WDR17: variants seen among roughly 807,000 people sequenced by gnomAD.
WDR17 encodes WD repeat-containing protein 17.
Under a neutral mutation model 161.7 loss-of-function variants are expected in WDR17, and 143 were observed. The ratio of observed to expected loss-of-function variants is 0.88; its 90% CI spans 0.77 to 1.02. The LOEUF (loss-of-function observed/expected upper bound fraction) is 1.02, where lower values mean the gene tolerates loss of function less well. Ranked by LOEUF, WDR17 falls within the 50% of genes least tolerant of loss-of-function variation. The probability of loss-of-function intolerance (pLI) is 0.00; values close to 1 mark genes in which losing one functional copy is unlikely to be tolerated. For synonymous variants in WDR17, 517 were observed against 515.6 expected, an observed-to-expected ratio of 1.00 and a Z score of -0.04; for missense variants, 1,469 against 1,520.9, an observed-to-expected ratio of 0.97 and a Z score of 0.57.
chr4:176,106,323 C>A (rs557837098), intron 1 of WDR17, among the ~76,000 whole-genome samples: 74 of 151,714 alleles, frequency 4.9e-4, no homozygotes, highest in Non-Finnish European at 9.1e-4. Flanking sequence ...CAGAACTAAC[C>A]CCTTACATAT....
intron 11 of WDR17, 121 bp from the exon 12 acceptor site, chr4:176,145,874 A>C: frequency 1.2e-6 from 1 of 804,988 alleles, no homozygotes; most frequent in Non-Finnish European, 1.8e-6. Context: ...GTAAGTTTTT[A>C]GTCTAACTTC....
At chr4:176,077,492 G>A (rs534696637) in intron 1 of WDR17, among the ~76,000 whole-genome samples, 3 of 151,994 alleles carry the variant, frequency 2.0e-5, no homozygotes, top group Non-Finnish European at 4.4e-5. Context: ...CTATGACACC[G>A]ATTATAGTAC....
intron 20 of WDR17, among the ~76,000 whole-genome samples, 175 bp from the exon 21 acceptor site, chr4:176,161,900 C>T (rs369601254): frequency 6.6e-6 from 1 of 152,040 alleles, no homozygotes; most frequent in Non-Finnish European, 1.5e-5. Context: ...CTTATCAGAC[C>T]GTATACTTGT....
Position 176,135,044 on chromosome 4 carries a change from G to A in WDR17, c.1099-64G>A, listed in dbSNP as rs1452016899. 6 of 1,491,952 alleles carry A rather than the reference G, an allele frequency of 4.0e-6. No homozygotes were observed. The African/African-American group carries it at 8.4e-5, about 21-fold the overall frequency. The allele number at this position is 1,491,952 out of a possible 1,614,324, so 92.4% of individuals were successfully genotyped here. A position where few individuals can be genotyped will look rare whatever the true frequency, so the allele number is the denominator to read the frequency against. ...ATGTGTCAATTTGAGTAAACATTGT[G>A]GTTCATCTATTAATAATGTGAATTT... is the stretch of plus-strand genomic sequence containing the variant. On this transcript the variant is annotated intron_variant, in intron 7 of 28. Coordinates refer to ENST00000508596, the MANE Select transcript of WDR17 (RefSeq NM_181265.4).
intron 17 of WDR17, 67 bp downstream of exon 17, chr4:176,152,034 A>T: frequency 6.8e-7 from 1 of 1,475,852 alleles, no homozygotes; most frequent in East Asian, 2.5e-5. Context: ...AATATACTCA[A>T]TTTTAAGTAT....
At chr4:176,142,664 T>C (rs1745466391) in intron 11 of WDR17, among the ~76,000 whole-genome samples, 1 of 152,198 alleles carries the variant, frequency 6.6e-6, no homozygotes, top group African/African-American at 2.4e-5. Flanking sequence ...CAAGCCTCTT[T>C]TAATGGGATA....
intron 4 of WDR17, among the ~76,000 whole-genome samples, 191 bp downstream of exon 4, chr4:176,120,288 T>TTATATA (rs33940735): frequency 0.012 from 1,570 of 136,382 alleles, 21 homozygotes; most frequent in Middle Eastern, 0.028. Flanking sequence ...ATTTGAAGTT[T>TTATATA]TATATATATA....
intron 22 of WDR17, among the ~76,000 whole-genome samples, chr4:176,164,298 A>G (rs988859346): frequency 6.6e-6 from 1 of 152,194 alleles, no homozygotes; most frequent in African/African-American, 2.4e-5. Context: ...CTGTCAGACT[A>G]CTTGGGGTGA....
intron 17 of WDR17, among the ~76,000 whole-genome samples, chr4:176,155,415 T>C (rs779183305): frequency 4.0e-5 from 6 of 151,738 alleles, no homozygotes; most frequent in Non-Finnish European, 8.8e-5. Flanking sequence ...TCAAACTCCA[T>C]CAAGTTCAAG....
At chr4:176,163,883 A>G (rs1332630515) in intron 22 of WDR17, among the ~76,000 whole-genome samples, 1 of 152,186 alleles carries the variant, frequency 6.6e-6, no homozygotes, top group African/African-American at 2.4e-5. Flanking sequence ...CTATTAGGAA[A>G]TATGGGATTC....
At chr4:176,090,255 T>TAAAAA (rs1561082183) in intron 1 of WDR17, among the ~76,000 whole-genome samples, 24 of 147,706 alleles carry the variant, frequency 1.6e-4, no homozygotes, top group Admixed American at 1.0e-3. Context: ...GCTGGTTGTT[T>TAAAAA]TAAAAAAAAA....
chr4:176,157,543 G>T (rs1270142199), intron 18 of WDR17, among the ~76,000 whole-genome samples: 2 of 152,096 alleles, frequency 1.3e-5, no homozygotes, highest in Admixed American at 1.3e-4. Context: ...TACCCTCACA[G>T]CACAATTGTG....
chr4:176,165,782 G>A (rs4269125), intron 22 of WDR17, among the ~76,000 whole-genome samples: 75,297 of 152,018 alleles, frequency 0.5, 19,210 homozygotes, highest in Admixed American at 0.61. Flanking sequence ...ACATTTTTCA[G>A]TTAACTATAT....
intron 3 of WDR17, among the ~76,000 whole-genome samples, chr4:176,116,884 G>T (rs542194950): frequency 6.6e-6 from 1 of 151,734 alleles, no homozygotes; most frequent in Non-Finnish European, 1.5e-5. Context: ...TCAAATTTAG[G>T]TCATTAAGAA....
chr4:176,066,191 C>G (rs532129034), intron 1 of WDR17, 112 bp downstream of exon 1: 1 of 152,364 alleles, frequency 6.6e-6, no homozygotes, highest in Non-Finnish European at 1.5e-5. Flanking sequence ...CCTGTGATCG[C>G]GGACCAGGGT....
intron 1 of WDR17, among the ~76,000 whole-genome samples, chr4:176,090,528 T>C (rs1028291283): frequency 6.6e-6 from 1 of 152,172 alleles, no homozygotes; most frequent in Non-Finnish European, 1.5e-5. Context: ...AGTCATTAAA[T>C]GAATTTACTT....
intron 9 of WDR17, among the ~76,000 whole-genome samples, chr4:176,139,370 G>A (rs1744896284): frequency 6.6e-6 from 1 of 151,666 alleles, no homozygotes. Flanking sequence ...CTAGAAAGCA[G>A]AAAATCAAGC....
chr4:176,073,947 G>A (rs1055938500), intron 1 of WDR17, among the ~76,000 whole-genome samples: 3 of 149,662 alleles, frequency 2.0e-5, no homozygotes, highest in African/African-American at 7.3e-5. Context: ...CTTTTTGATG[G>A]GGTTGTTTTT....
intron 4 of WDR17, among the ~76,000 whole-genome samples, chr4:176,122,506 G>T (rs1029313627): frequency 6.6e-6 from 1 of 152,176 alleles, no homozygotes; most frequent in Non-Finnish European, 1.5e-5. Flanking sequence ...GTCCTGATAA[G>T]TATTTTCCTT....
Sources: gnomAD v4.1 joint callset for allele counts (sites outside exome capture counted in the v4.1 genomes callset) on GRCh38, gnomAD v4.1.1 for gene constraint, MANE v1.5 for transcripts, NCBI Gene and HGNC (gene_info 2026-07-23, HGNC 2026-07-21) for gene names.